CACUL1: variants seen among roughly 807,000 people sequenced by gnomAD.
CACUL1 encodes CDK2 associated cullin domain 1.
A neutral mutation model predicts 45.2 loss-of-function variants in CACUL1; 13 were observed. The observed-to-expected ratio is 0.29, with a 90% CI of 0.19 to 0.46. The LOEUF is 0.46. Among genes scored for constraint, CACUL1 ranks in the 20% least tolerant of loss-of-function variants. CACUL1 has a pLI of 1.00. For synonymous variants in CACUL1, 197 were observed against 174.2 expected, an observed-to-expected ratio of 1.13 and a Z score of -1.03; for missense variants, 421 against 471.4, an observed-to-expected ratio of 0.89 and a Z score of 0.99.
intron 1 of CACUL1, among the ~76,000 whole-genome samples, chr10:118,733,648 A>G (rs1845717346): frequency 6.6e-6 from 1 of 152,210 alleles, no homozygotes; most frequent in Non-Finnish European, 1.5e-5. Context: ...TGAACTTAAA[A>G]ACTAGATCCT....
chr10:118,728,008 G>A (rs991717629), intron 3 of CACUL1, among the ~76,000 whole-genome samples: 2 of 152,152 alleles, frequency 1.3e-5, no homozygotes, highest in Admixed American at 1.3e-4. Flanking sequence ...AATGAATAAA[G>A]ATTTTATAGT....
intron 3 of CACUL1, among the ~76,000 whole-genome samples, chr10:118,715,965 G>C (rs566339111): frequency 2.7e-4 from 41 of 152,204 alleles, no homozygotes; most frequent in African/African-American, 8.9e-4. Flanking sequence ...GGCTGGGCGC[G>C]GTGGCTCACA....
chr10:118,702,788 G>A (rs113382236), intron 4 of CACUL1, among the ~76,000 whole-genome samples: 1 of 151,880 alleles, frequency 6.6e-6, no homozygotes, highest in East Asian at 1.9e-4. Flanking sequence ...CATCACATTG[G>A]TCAGGCTGGT....
chr10:118,695,359 CA>C, intron 5 of CACUL1, 129 bp from the exon 6 acceptor site: 1 of 614,270 alleles, frequency 1.6e-6, no homozygotes, highest in Non-Finnish European at 3.0e-6. Context: ...ATAAACCAAT[CA>C]AATGTTTATA....
intron 1 of CACUL1, among the ~76,000 whole-genome samples, chr10:118,735,755 T>C (rs1163006228): frequency 6.6e-6 from 1 of 152,194 alleles, no homozygotes; most frequent in Non-Finnish European, 1.5e-5. Flanking sequence ...TTCTCTTCCA[T>C]ATCCCTTCTT....
chr10:118,744,155 G>A (rs1405844676), intron 1 of CACUL1, among the ~76,000 whole-genome samples: 1 of 152,178 alleles, frequency 6.6e-6, no homozygotes, highest in Non-Finnish European at 1.5e-5. Flanking sequence ...GGAGGCCGAG[G>A]AGGGTGGATC....
At chr10:118,726,825 T>G (rs1845655742) in intron 3 of CACUL1, among the ~76,000 whole-genome samples, 1 of 152,058 alleles carries the variant, frequency 6.6e-6, no homozygotes, top group Admixed American at 6.6e-5. Flanking sequence ...AGAAAATTTA[T>G]AAGATGATAT....
At chr10:118,689,078 A>C (rs1425628948) in intron 7 of CACUL1, among the ~76,000 whole-genome samples, 1 of 152,244 alleles carries the variant, frequency 6.6e-6, no homozygotes, top group Non-Finnish European at 1.5e-5. Context: ...TGCTCAGATA[A>C]GAAGAGGCAG....
At chr10:118,688,376 G>A (rs773025526) in intron 7 of CACUL1, among the ~76,000 whole-genome samples, 9 of 152,144 alleles carry the variant, frequency 5.9e-5, no homozygotes, top group Non-Finnish European at 1.3e-4. Context: ...ACAAGTTAAT[G>A]ATCAAAAAGG....
intron 5 of CACUL1, among the ~76,000 whole-genome samples, chr10:118,697,399 CT>C (rs1464285875): frequency 6.6e-6 from 1 of 152,206 alleles, no homozygotes; most frequent in Non-Finnish European, 1.5e-5. Flanking sequence ...GAAATGCTTG[CT>C]TATACGCAAC....
intron 1 of CACUL1, among the ~76,000 whole-genome samples, chr10:118,732,627 G>A (rs776633733): frequency 4.6e-5 from 7 of 152,198 alleles, no homozygotes; most frequent in Admixed American, 2.6e-4. Context: ...TGGGTGAGGC[G>A]ACTCTAAGGC....
intron 1 of CACUL1, among the ~76,000 whole-genome samples, chr10:118,732,048 T>C (rs187586990): frequency 2.0e-5 from 3 of 152,318 alleles, no homozygotes; most frequent in South Asian, 2.1e-4. Context: ...TTATGGGCCA[T>C]TGTAAAGACT....
chr10:118,727,850 C>T (rs1234204493), intron 3 of CACUL1, among the ~76,000 whole-genome samples: 4 of 152,206 alleles, frequency 2.6e-5, no homozygotes, highest in Non-Finnish European at 4.4e-5. Context: ...CAGCGAGACC[C>T]GAAGTCCATA....
Position 118,754,919 on chromosome 10 carries a change from G to T in CACUL1, c.-157C>A, listed in dbSNP as rs1845943000. On this transcript the variant is annotated 5_prime_UTR_variant, in exon 1 of 9. Transcript: ENST00000369151. ...TGCGCAGGGTCTCTCGCTCTCCGCGGGGCCGACTAGCTTGAAGACGCGGCT... is the reference window on the plus strand; with the variant it reads ...TGCGCAGGGTCTCTCGCTCTCCGCGTGGCCGACTAGCTTGAAGACGCGGCT... 2.9e-6 allele frequency: 3 copies of T among 1,047,048 alleles called. No individual in the cohort carries two copies. The highest frequency in any genetic ancestry group is 3.9e-6 in the Non-Finnish European group (3 of 759,722). The allele number at this position is 1,047,048 out of a possible 1,614,324, so 64.9% of individuals were successfully genotyped here. A position where few individuals can be genotyped will look rare whatever the true frequency, so the allele number is the denominator to read the frequency against.
chr10:118,725,674 A>C (rs1001934971), intron 3 of CACUL1, among the ~76,000 whole-genome samples: 14 of 152,202 alleles, frequency 9.2e-5, no homozygotes, highest in African/African-American at 3.4e-4. Flanking sequence ...AACAAAAAAA[A>C]CTTTAAAGTG....
At chr10:118,742,946 G>C (rs1845806031) in intron 1 of CACUL1, among the ~76,000 whole-genome samples, 3 of 152,146 alleles carry the variant, frequency 2.0e-5, no homozygotes, top group Admixed American at 2.0e-4. Context: ...GACGCAACAA[G>C]TCATTAAAAG....
Position 118,702,358 on chromosome 10 carries a change from A to G in CACUL1, c.694-950T>C, listed in dbSNP as rs1490967317. ...CACAAAGACGCCCGTGACAGGGAAC[A>G]GGATAAAACCGATGTTACGGAGAGC... On this transcript the variant is annotated intron_variant, in intron 4 of 8. Coordinates refer to ENST00000369151, the MANE Select transcript of CACUL1 (RefSeq NM_153810.5). Among the ~76,000 whole-genome samples the G allele has an allele frequency of 3.3e-5, 5 of 152,224 alleles. No individual in the cohort carries two copies. In the East Asian group the frequency reaches 9.6e-4, roughly 29 times the overall value.
At chr10:118,687,367 A>G (rs1343593221) in intron 7 of CACUL1, among the ~76,000 whole-genome samples, 2 of 152,192 alleles carry the variant, frequency 1.3e-5, no homozygotes, top group Admixed American at 1.3e-4. Flanking sequence ...CATGACCAGA[A>G]TACAATGCTG....
chr10:118,745,619 A>G lies in CACUL1; in HGVS notation c.367+8777T>C, dbSNP rs763707293. On this transcript the variant is annotated intron_variant, in intron 1 of 8. Transcript: ENST00000369151. ...TTTTTTAAATAACAGATGGACAAAG[A>G]GTAAACAAAAGTGCAAGACAATATG... 2.0e-5 allele frequency among the ~76,000 whole-genome samples: 3 copies of G among 152,234 alleles called. No individual in the cohort carries two copies. In the South Asian group the frequency reaches 6.2e-4, roughly 32 times the overall value.
Sources: gnomAD v4.1 joint callset for allele counts (sites outside exome capture counted in the v4.1 genomes callset) on GRCh38, gnomAD v4.1.1 for gene constraint, MANE v1.5 for transcripts, NCBI Gene and HGNC (gene_info 2026-07-23, HGNC 2026-07-21) for gene names.